MYO3B: variants seen among roughly 807,000 people sequenced by gnomAD.
MYO3B encodes the protein myosin-IIIb.
Under a neutral mutation model 174.6 loss-of-function variants are expected in MYO3B, and 156 were observed. The ratio of observed to expected loss-of-function variants is 0.89; its 90% CI spans 0.78 to 1.02. The LOEUF (loss-of-function observed/expected upper bound fraction) is 1.02, where lower values mean the gene tolerates loss of function less well. MYO3B is among the 50% of genes least tolerant of loss of function. MYO3B has a pLI of 0.00. For missense variants in MYO3B, 1,632 were observed against 1,639.4 expected (o/e 1.00, Z 0.08); for synonymous variants, 563 against 569.1 (o/e 0.99, Z 0.15).
At chr2:170,443,546 T>G (rs563481512) in intron 22 of MYO3B, among the ~76,000 whole-genome samples, 68 of 152,274 alleles carry the variant, frequency 4.5e-4, no homozygotes, top group African/African-American at 1.6e-3. Flanking sequence ...TTTTGGTGTT[T>G]TAGTCATGAA....
rs35518186 is a variant in MYO3B at position 170,402,079 on chromosome 2, G to C, written c.2129+388G>C. On this transcript the variant is annotated intron_variant, in intron 18 of 34. Transcript: ENST00000408978. Reference sequence around the variant, plus strand: ...ACTAAGTGTAGTATTTGAGAGAATAGTCTTGGCTGGGAGCTGGACAAACTG... The same window carrying C: ...ACTAAGTGTAGTATTTGAGAGAATACTCTTGGCTGGGAGCTGGACAAACTG... 0.023 allele frequency among the ~76,000 whole-genome samples: 3,508 copies of C among 152,308 alleles called. 189 individuals are homozygous for C. The East Asian group carries it at 0.24, about 10-fold the overall frequency.
intron 23 of MYO3B, among the ~76,000 whole-genome samples, chr2:170,445,332 G>A (rs1173141501): frequency 6.6e-6 from 1 of 150,440 alleles, no homozygotes; most frequent in Non-Finnish European, 1.5e-5. Context: ...CCACACTTGC[G>A]GGGATACATT....
intron 22 of MYO3B, among the ~76,000 whole-genome samples, chr2:170,409,584 A>G (rs1018900986): frequency 6.6e-6 from 1 of 152,254 alleles, no homozygotes; most frequent in Non-Finnish European, 1.5e-5. Flanking sequence ...AAACATCAAA[A>G]CTTATAAGCA....
intron 20 of MYO3B, among the ~76,000 whole-genome samples, chr2:170,404,723 A>G (rs373357377): frequency 4.0e-5 from 6 of 151,484 alleles, no homozygotes; most frequent in African/African-American, 1.5e-4. Context: ...GTGTGCCCCC[A>G]TCTCATGTCT....
intron 7 of MYO3B, among the ~76,000 whole-genome samples, chr2:170,278,532 A>G (rs2093480207): frequency 6.6e-6 from 1 of 152,088 alleles, no homozygotes; most frequent in Non-Finnish European, 1.5e-5. Context: ...GTGATGTTTT[A>G]TGCATAGAAT....
chr2:170,200,579 A>T (rs2092650635), intron 3 of MYO3B, among the ~76,000 whole-genome samples: 1 of 152,204 alleles, frequency 6.6e-6, no homozygotes, highest in African/African-American at 2.4e-5. Context: ...TTAATTGTAA[A>T]CATGTTTGAA....
At position 170,653,274 on chromosome 2, in the gene MYO3B, C is replaced by T; in HGVS notation, c.*153C>T. 1 of 851,986 alleles carries T rather than the reference C, an allele frequency of 1.2e-6. No individual in the cohort carries two copies. Among genetic ancestry groups the T allele is most frequent in the South Asian group, 1.7e-5 (1 of 59,932 alleles). The allele number at this position is 851,986 out of a possible 1,614,324, so 52.8% of individuals were successfully genotyped here. ...ACTGAACCACTTGCAGATTCCAAAA[C>T]ATCTTATCCTATCCTCTACCACTCT... On this transcript the variant is annotated 3_prime_UTR_variant, in exon 35 of 35. Transcript: ENST00000408978.
intron 8 of MYO3B, among the ~76,000 whole-genome samples, chr2:170,367,097 T>G (rs1008928729): frequency 6.6e-6 from 1 of 152,226 alleles, no homozygotes; most frequent in African/African-American, 2.4e-5. Flanking sequence ...CCTTCCACCT[T>G]CAGTCTCTGC....
intron 7 of MYO3B, among the ~76,000 whole-genome samples, chr2:170,276,347 T>C (rs374968904): frequency 5.3e-5 from 8 of 152,214 alleles, no homozygotes; most frequent in African/African-American, 1.9e-4. Flanking sequence ...CAAGCTATAT[T>C]ATCTCTGGCC....
intron 32 of MYO3B, among the ~76,000 whole-genome samples, chr2:170,578,647 T>C (rs1692943197): frequency 6.6e-6 from 1 of 152,250 alleles, no homozygotes; most frequent in Non-Finnish European, 1.5e-5. Context: ...TGTGTTAATG[T>C]ATTCACTGCA....
intron 8 of MYO3B, 127 bp from the exon 9 acceptor site, chr2:170,369,095 C>CT (rs1182081626): frequency 3.0e-6 from 2 of 667,338 alleles, no homozygotes; most frequent in African/African-American, 1.8e-5. Flanking sequence ...AAAGAGAGAG[C>CT]TGTGTATCAT....
intron 22 of MYO3B, among the ~76,000 whole-genome samples, chr2:170,431,438 A>G (rs1326174673): frequency 6.6e-6 from 1 of 152,228 alleles, no homozygotes; most frequent in Non-Finnish European, 1.5e-5. Flanking sequence ...TATGAGTTTT[A>G]AAGCTTAAGG....
At chr2:170,377,904 C>T (rs992202559) in intron 9 of MYO3B, among the ~76,000 whole-genome samples, 8 of 152,092 alleles carry the variant, frequency 5.3e-5, no homozygotes, top group South Asian at 2.1e-4. Flanking sequence ...TTGGAATACT[C>T]GATCCAAGTA....
At chr2:170,399,067 A>G (rs939985921) in intron 16 of MYO3B, among the ~76,000 whole-genome samples, 2 of 151,552 alleles carry the variant, frequency 1.3e-5, no homozygotes, top group Admixed American at 1.3e-4. Context: ...ACATGGAGAA[A>G]CCCCATCTCT....
intron 32 of MYO3B, among the ~76,000 whole-genome samples, chr2:170,632,589 A>G (rs1170851032): frequency 2.6e-5 from 4 of 152,178 alleles, no homozygotes; most frequent in Admixed American, 6.5e-5. Context: ...AGGCAAGAGC[A>G]AACACATTCA....
At chr2:170,378,835 T>C (rs561502322) in intron 9 of MYO3B, among the ~76,000 whole-genome samples, 121 of 152,348 alleles carry the variant, frequency 7.9e-4, no homozygotes, top group African/African-American at 2.6e-3. Flanking sequence ...CAGCTCAGGC[T>C]GCCATTAAAT....
intron 32 of MYO3B, among the ~76,000 whole-genome samples, chr2:170,563,624 A>G (rs1691881962): frequency 6.6e-6 from 1 of 152,146 alleles, no homozygotes. Flanking sequence ...AGAAACACAT[A>G]CTGAAATAGG....
chr2:170,601,881 C>G (rs1694531729), intron 32 of MYO3B: 3 of 853,696 alleles, frequency 3.5e-6, no homozygotes, highest in Non-Finnish European at 5.8e-6. Flanking sequence ...GGCCAGGATG[C>G]TCTCCTTTGA....
At chr2:170,203,986 A>G (rs2105345638) in intron 3 of MYO3B, among the ~76,000 whole-genome samples, 1 of 152,312 alleles carries the variant, frequency 6.6e-6, no homozygotes. Flanking sequence ...TCTTGGCTCT[A>G]TTCAATAAGG....
Sources: gnomAD v4.1 joint callset for allele counts (sites outside exome capture counted in the v4.1 genomes callset) on GRCh38, gnomAD v4.1.1 for gene constraint, MANE v1.5 for transcripts, NCBI Gene and HGNC (gene_info 2026-07-23, HGNC 2026-07-21) for gene names.